Variants in RAPGEF2 observed in about 807,000 individuals in gnomAD.
RAPGEF2 encodes the protein PDZ domain containing guanine nucleotide exchange factor (GEF) 1.
RAPGEF2 carries 54 observed loss-of-function variants against 186.7 expected under a neutral mutation model. That is an observed-to-expected ratio of 0.29 (90% CI 0.23 to 0.36). The LOEUF is 0.36. RAPGEF2 is among the 10% of genes least tolerant of loss of function. The probability of loss-of-function intolerance (pLI) is 1.00; values close to 1 mark genes in which losing one functional copy is unlikely to be tolerated. For missense variants in RAPGEF2, 1,532 were observed against 2,045.0 expected (o/e 0.75, Z 4.84); for synonymous variants, 712 against 705.9 (o/e 1.01, Z -0.14).
intron 3 of RAPGEF2, among the ~76,000 whole-genome samples, chr4:159,195,394 G>A (rs1448871116): frequency 6.6e-6 from 1 of 152,280 alleles, no homozygotes; most frequent in African/African-American, 2.4e-5. Flanking sequence ...CCTCTGAAAC[G>A]TGGTTTGGAT....
rs386492972 is a variant in RAPGEF2, at chr4:159,134,212, T to G, written c.69+29981T>G. ...TAGTTTTGCCTTTTTAAGAATGTCT[T>G]GTACTGTACATGGAGTCATATAGTG... On this transcript the variant is annotated intron_variant, in intron 1 of 29. Transcript: ENST00000691494. Among the ~76,000 whole-genome samples the G allele has an allele frequency of 9.8e-4, 149 of 152,322 alleles. 1 individual carries two copies. Among genetic ancestry groups the G allele is most frequent in the Middle Eastern group, 3.4e-3 (1 of 294 alleles).
At chr4:159,247,810 CTGGAGTGCAA>C (rs1754828894) in intron 7 of RAPGEF2, among the ~76,000 whole-genome samples, 1 of 122,568 alleles carries the variant, frequency 8.2e-6, no homozygotes, top group Non-Finnish European at 1.6e-5. Context: ...GTTGCACAGG[CTGGAGTGCAA>C]TGGTGCAATC....
chr4:159,272,354 T>C, intron 7 of RAPGEF2, among the ~76,000 whole-genome samples: 1 of 152,236 alleles, frequency 6.6e-6, no homozygotes, highest in Admixed American at 6.5e-5. Context: ...CATACAAGAT[T>C]GTGCTCTTTT....
At chr4:159,153,270 C>T (rs1743758967) in intron 1 of RAPGEF2, among the ~76,000 whole-genome samples, 1 of 152,076 alleles carries the variant, frequency 6.6e-6, no homozygotes, top group Non-Finnish European at 1.5e-5. Flanking sequence ...ATCTGGGGAA[C>T]TTTAAAAAGA....
chr4:159,353,322 C>T lies in RAPGEF2; in HGVS notation c.4092-165C>T, dbSNP rs1184484976. Among the ~76,000 whole-genome samples the T allele has an allele frequency of 6.6e-6, 1 of 151,798 alleles. No homozygotes were observed. ...GTAATGATAAAGTCAGAAGGCTAGA[C>T]ATGGCAGAACTGGCCAATATAAGGC... On this transcript the variant is annotated intron_variant, in intron 27 of 29. Transcript: ENST00000691494. This position sits in a 1 kb window ranked among gnomAD's most constrained non-coding sequence, Gnocchi z 4.3.
chr4:159,271,095 AAG>A (rs1470980410), intron 7 of RAPGEF2, among the ~76,000 whole-genome samples: 1 of 152,206 alleles, frequency 6.6e-6, no homozygotes, highest in Non-Finnish European at 1.5e-5. Flanking sequence ...TAGGCTCATT[AAG>A]TTAGGGAAAT....
chr4:159,196,489 T>G (rs913142980), intron 3 of RAPGEF2, among the ~76,000 whole-genome samples: 3 of 152,184 alleles, frequency 2.0e-5, no homozygotes, highest in African/African-American at 7.2e-5. Context: ...TGCTGGTGCC[T>G]TCTAAGTCTA....
At chr4:159,309,564 A>G (rs566028116) in intron 8 of RAPGEF2, among the ~76,000 whole-genome samples, 2 of 152,228 alleles carry the variant, frequency 1.3e-5, no homozygotes, top group Non-Finnish European at 2.9e-5. Context: ...TAGAGTCTTG[A>G]GTGAAGATCC....
At chr4:159,174,778 A>G (rs1746288920) in intron 1 of RAPGEF2, among the ~76,000 whole-genome samples, 1 of 141,626 alleles carries the variant, frequency 7.1e-6, no homozygotes, top group Non-Finnish European at 1.5e-5. Flanking sequence ...TTTTTTTGAG[A>G]TAGGGTCTTG....
intron 1 of RAPGEF2, among the ~76,000 whole-genome samples, chr4:159,176,100 G>A (rs1746425397): frequency 1.3e-5 from 2 of 152,230 alleles, no homozygotes; most frequent in Admixed American, 1.3e-4. Flanking sequence ...CACTGCCAGT[G>A]TTAAATGGGG....
intron 1 of RAPGEF2, among the ~76,000 whole-genome samples, chr4:159,137,560 C>G (rs561505401): frequency 6.6e-6 from 1 of 152,082 alleles, no homozygotes. Context: ...CAGTTTAATC[C>G]ATAACATGTA....
At chr4:159,293,070 A>G (rs929846064) in intron 7 of RAPGEF2, among the ~76,000 whole-genome samples, 9 of 152,184 alleles carry the variant, frequency 5.9e-5, no homozygotes, top group Admixed American at 5.2e-4. Context: ...AATGTATTAT[A>G]TATTAATATA....
chr4:159,151,629 A>G (rs190863716), intron 1 of RAPGEF2, among the ~76,000 whole-genome samples: 2 of 152,356 alleles, frequency 1.3e-5, no homozygotes, highest in Admixed American at 6.5e-5. Flanking sequence ...ATTAAAAAAC[A>G]AAAAGCAAAG....
chr4:159,297,167 C>A (rs1053002330), intron 7 of RAPGEF2, among the ~76,000 whole-genome samples: 1 of 152,146 alleles, frequency 6.6e-6, no homozygotes, highest in African/African-American at 2.4e-5. Flanking sequence ...TTATCAAGCC[C>A]TCTCTGTTAC....
chr4:159,323,746 T>C (rs1765552693), intron 11 of RAPGEF2, 129 bp downstream of exon 11: 6 of 465,846 alleles, frequency 1.3e-5, no homozygotes, highest in Non-Finnish European at 1.6e-5. Context: ...TGAGACAGAG[T>C]ATTGTTCTGT....
At chr4:159,251,632 G>T (rs909441568) in intron 7 of RAPGEF2, among the ~76,000 whole-genome samples, 1 of 152,084 alleles carries the variant, frequency 6.6e-6, no homozygotes, top group Admixed American at 6.5e-5. Flanking sequence ...AGCAAGTCTC[G>T]TGGGGACTTT....
intron 4 of RAPGEF2, among the ~76,000 whole-genome samples, chr4:159,232,715 C>A (rs1752777904): frequency 6.6e-6 from 1 of 152,204 alleles, no homozygotes; most frequent in Admixed American, 6.5e-5. Context: ...AAACTGTCTT[C>A]CACAGTGGCT....
chr4:159,140,185 T>G (rs1742157778), intron 1 of RAPGEF2, among the ~76,000 whole-genome samples: 1 of 152,258 alleles, frequency 6.6e-6, no homozygotes, highest in Non-Finnish European at 1.5e-5. Context: ...CGTTTTATAC[T>G]ATTAGGAGAT....
intron 1 of RAPGEF2, among the ~76,000 whole-genome samples, chr4:159,173,804 C>A (rs575252872): frequency 6.6e-6 from 1 of 152,222 alleles, no homozygotes; most frequent in African/African-American, 2.4e-5. Flanking sequence ...TCATTCACAG[C>A]CTGCTAACTT....
Sources: gnomAD v4.1 joint callset for allele counts (sites outside exome capture counted in the v4.1 genomes callset) on GRCh38, gnomAD v4.1.1 for gene constraint, Gnocchi (gnomAD v3.1) non-coding constraint, MANE v1.5 for transcripts, NCBI Gene and HGNC (gene_info 2026-07-23, HGNC 2026-07-21) for gene names.